The following ADAMTS2 variants were observed in gnomAD, a reference collection of about 807,000 sequenced individuals.
ADAMTS2 encodes A disintegrin and metalloproteinase with thrombospondin motifs 2.
Under a neutral mutation model 123.0 loss-of-function variants are expected in ADAMTS2, and 50 were observed. That is an observed-to-expected ratio of 0.41 (90% CI 0.32 to 0.51). The LOEUF is 0.51. ADAMTS2 is among the 20% of genes least tolerant of loss of function. ADAMTS2 has a pLI of 0.35. For missense variants in ADAMTS2, 1,494 were observed against 1,705.2 expected, an observed-to-expected ratio of 0.88 and a Z score of 2.18; for synonymous variants, 678 against 695.4, an observed-to-expected ratio of 0.98 and a Z score of 0.39.
intron 2 of ADAMTS2, among the ~76,000 whole-genome samples, chr5:179,323,136 C>G (rs955429182): frequency 6.6e-6 from 1 of 152,248 alleles, no homozygotes. Context: ...GCCTGGTGCC[C>G]TCGAGAGGCA....
At chr5:179,169,704 G>A (rs1038586317) in intron 5 of ADAMTS2, among the ~76,000 whole-genome samples, 2 of 152,124 alleles carry the variant, frequency 1.3e-5, no homozygotes, top group African/African-American at 4.8e-5. Context: ...CCATGGCTGG[G>A]CCACTCTAAA....
chr5:179,279,043 C>T (rs991530754), intron 2 of ADAMTS2, among the ~76,000 whole-genome samples: 1 of 152,012 alleles, frequency 6.6e-6, no homozygotes, highest in Non-Finnish European at 1.5e-5. Flanking sequence ...CATCCTGTTT[C>T]CTTCTGCAGA....
At chr5:179,214,694 T>C (rs1426207111) in intron 3 of ADAMTS2, among the ~76,000 whole-genome samples, 1 of 152,092 alleles carries the variant, frequency 6.6e-6, no homozygotes, top group Non-Finnish European at 1.5e-5. Flanking sequence ...TATAATATAG[T>C]CTAAGGTCTC....
intron 19 of ADAMTS2, among the ~76,000 whole-genome samples, chr5:179,124,666 T>C (rs1242602897): frequency 6.6e-6 from 1 of 152,202 alleles, no homozygotes; most frequent in Non-Finnish European, 1.5e-5. Flanking sequence ...AGGAGCTACA[T>C]CCAGGCCCAC....
rs958718923 is a variant in ADAMTS2 at position 179,260,951 on chromosome 5, G to A, written c.688+11960C>T. 2.8e-4 allele frequency among the ~76,000 whole-genome samples: 42 copies of A among 152,094 alleles called. No homozygotes were observed. Among genetic ancestry groups the A allele is most frequent in the Admixed American group, 1.2e-3 (19 of 15,280 alleles). On this transcript the variant is annotated intron_variant, in intron 3 of 21. Coordinates refer to ENST00000251582, the MANE Select transcript of ADAMTS2 (RefSeq NM_014244.5). This position sits in a 1 kb window ranked among gnomAD's most constrained non-coding sequence, Gnocchi z 4.2. ...CACCATGAAGAGTGCCCACCTTCGCGCAGGCCCTCGGTGAATGGGCATGTC... is the reference window on the plus strand; with the variant it reads ...CACCATGAAGAGTGCCCACCTTCGCACAGGCCCTCGGTGAATGGGCATGTC...
rs1435938284 is a variant in ADAMTS2, at chr5:179,115,557, C to A, written c.3179-1233G>T. ...AAACCCCCGACGTGCCCTCCTTTTC[C>A]CTCACTCTCCTTAGTTGAACTCATC... On this transcript the variant is annotated intron_variant, in intron 21 of 21. Coordinates refer to ENST00000251582, the MANE Select transcript of ADAMTS2 (RefSeq NM_014244.5). This position sits in a 1 kb window ranked among gnomAD's most constrained non-coding sequence, Gnocchi z 4.4. 6.6e-6 allele frequency among the ~76,000 whole-genome samples: 1 copy of A among 152,066 alleles called. No homozygotes were observed. Among genetic ancestry groups the A allele is most frequent in the Non-Finnish European group, 1.5e-5 (1 of 68,022 alleles).
chr5:179,322,789 G>A (rs991423215), intron 2 of ADAMTS2, among the ~76,000 whole-genome samples: 8 of 152,228 alleles, frequency 5.3e-5, no homozygotes, highest in African/African-American at 1.4e-4. Flanking sequence ...TCTGGGCTGC[G>A]GCTCCCTCAC....
chr5:179,135,822 T>C, intron 13 of ADAMTS2, 87 bp downstream of exon 13: 2 of 1,587,392 alleles, frequency 1.3e-6, no homozygotes, highest in Non-Finnish European at 8.6e-7. Context: ...TCATGCATCT[T>C]GCCAATACCC....
chr5:179,137,713 G>T, intron 12 of ADAMTS2, 56 bp downstream of exon 12: 66 of 1,188,544 alleles, frequency 5.6e-5, no homozygotes, highest in Middle Eastern at 2.8e-4. Context: ...CCCCCACCCT[G>T]CCCACCCTAG....
intron 2 of ADAMTS2, among the ~76,000 whole-genome samples, chr5:179,298,365 G>C (rs1198611997): frequency 6.6e-6 from 1 of 152,072 alleles, no homozygotes; most frequent in Non-Finnish European, 1.5e-5. Flanking sequence ...CCCGTTAATG[G>C]GATTAGTGCC....
At position 179,115,879 on chromosome 5, in the gene ADAMTS2, G is replaced by A. The variant is rs1365101710; in HGVS notation, c.3179-1555C>T. Among the ~76,000 whole-genome samples the A allele has an allele frequency of 6.6e-6, 1 of 152,114 alleles. No individual in the cohort carries two copies. The highest frequency in any genetic ancestry group is 1.9e-4 in the East Asian group (1 of 5,184). On this transcript the variant is annotated intron_variant, in intron 21 of 21. Coordinates refer to ENST00000251582, the MANE Select transcript of ADAMTS2 (RefSeq NM_014244.5). This position sits in a 1 kb window ranked among gnomAD's most constrained non-coding sequence, Gnocchi z 4.4. ...CTGCTTCTTAATGGCCACTGCTCCA[G>A]CCTGTAATTTTCCCTTAGAAGCTGG...
At chr5:179,275,455 G>A (rs1766669092) in intron 2 of ADAMTS2, among the ~76,000 whole-genome samples, 1 of 152,208 alleles carries the variant, frequency 6.6e-6, no homozygotes, top group African/African-American at 2.4e-5. Context: ...AGCTGTGAGG[G>A]TAGTGGACAT....
intron 4 of ADAMTS2, among the ~76,000 whole-genome samples, chr5:179,191,293 A>G (rs947182158): frequency 1.3e-5 from 2 of 152,152 alleles, no homozygotes; most frequent in Non-Finnish European, 2.9e-5. Context: ...GTCCCTGGCC[A>G]CAGAGCCCTG....
intron 5 of ADAMTS2, among the ~76,000 whole-genome samples, chr5:179,161,168 A>G (rs1193030450): frequency 1.3e-5 from 2 of 152,220 alleles, no homozygotes; most frequent in African/African-American, 2.4e-5. Context: ...TGACCCCTGC[A>G]GCTCATCTCG....
chr5:179,291,000 C>T (rs754831054), intron 2 of ADAMTS2, among the ~76,000 whole-genome samples: 2 of 152,206 alleles, frequency 1.3e-5, no homozygotes, highest in Non-Finnish European at 2.9e-5. Context: ...CATGGGGCCA[C>T]GGATGCCCCA....
chr5:179,245,783 A>AC lies in ADAMTS2; in HGVS notation c.688+27127_688+27128insG, dbSNP rs1407864081. On this transcript the variant is annotated intron_variant, in intron 3 of 21. Transcript: ENST00000251582. ...TCCGTCTCAAAAAAAAAAAAAAAAAAAAAAAAAAAAAACAAAAAAAACAAA... is the reference window on the plus strand; with the variant it reads ...TCCGTCTCAAAAAAAAAAAAAAAAAACAAAAAAAAAAAACAAAAAAAACAAA... 4.5e-4 allele frequency among the ~76,000 whole-genome samples: 62 copies of AC among 138,946 alleles called. 2 individuals are homozygous for AC. The East Asian group carries it at 7.5e-3, about 17-fold the overall frequency. 91.2% of individuals were successfully genotyped at this position (138,946 alleles called of 152,430 possible).
intron 4 of ADAMTS2, among the ~76,000 whole-genome samples, chr5:179,182,104 C>G (rs1283474490): frequency 2.6e-5 from 4 of 152,170 alleles, no homozygotes; most frequent in African/African-American, 9.7e-5. Context: ...CCCTGGAAGG[C>G]CCCCCGCAGG....
At position 179,314,173 on chromosome 5, in the gene ADAMTS2, G is replaced by A. The variant is rs527431801; in HGVS notation, c.534+29594C>T. 3.9e-5 allele frequency among the ~76,000 whole-genome samples: 6 copies of A among 152,302 alleles called. No homozygotes were observed. In the East Asian group the frequency reaches 7.7e-4, roughly 20 times the overall value. ...GGCGCAGCCTGGGAGCACACAGACC[G>A]GCCAGGGCCAGGGCCAGGACTGGCA... On this transcript the variant is annotated intron_variant, in intron 2 of 21. Transcript: ENST00000251582. This position sits in a 1 kb window ranked among gnomAD's most constrained non-coding sequence, Gnocchi z 4.5.
chr5:179,318,609 G>C (rs899819612), intron 2 of ADAMTS2, among the ~76,000 whole-genome samples: 2 of 152,182 alleles, frequency 1.3e-5, no homozygotes, highest in South Asian at 4.1e-4. Flanking sequence ...GTTAGAAGAC[G>C]ACAAGGGCCA....
Sources: allele counts gnomAD v4.1 joint callset (sites outside exome capture counted in the v4.1 genomes callset), GRCh38; gene constraint gnomAD v4.1.1; non-coding constraint Gnocchi (gnomAD v3.1); transcripts MANE v1.5; gene names NCBI Gene and HGNC (gene_info 2026-07-23, HGNC 2026-07-21).